The following TBL1Y variants were observed in gnomAD, a reference collection of about 807,000 sequenced individuals.
TBL1Y encodes the protein transducin beta like 1 Y-linked, also known as F-box-like/WD repeat-containing protein TBL1Y.
TBL1Y carries 15 observed loss-of-function variants against 12.0 expected under a neutral mutation model. The ratio of observed to expected loss-of-function variants is 1.25; its 90% CI spans 0.83 to 1.92. TBL1Y has a LOEUF of 1.92. Among genes scored for constraint, TBL1Y ranks in the 40% most tolerant of loss-of-function variants. TBL1Y has a pLI of 0.00. For synonymous variants in TBL1Y, 53 were observed against 42.6 expected (o/e 1.24, Z -0.95); for missense variants, 148 against 116.7 (o/e 1.27, Z -1.24).
intron 7 of TBL1Y, among the ~76,000 whole-genome samples, chrY:7,062,083 G>T (rs1045813384): frequency 2.5e-4 from 8 of 32,372 alleles, no homozygotes; most frequent in African/African-American, 4.8e-4. Flanking sequence ...AGTAGAGGGG[G>T]AATTTGGAAT....
At chrY:7,064,189 G>C (rs374698874) in intron 8 of TBL1Y, 40 bp downstream of exon 8, 15 of 391,725 alleles carry the variant, frequency 3.8e-5, no homozygotes, top group African/African-American at 1.3e-4. Flanking sequence ...GGCCTCTCTG[G>C]GTTCATTGTT....
At chrY:6,922,561 T>A (rs940421615) in intron 2 of TBL1Y, among the ~76,000 whole-genome samples, 46 of 34,134 alleles carry the variant, frequency 1.3e-3, no homozygotes, top group African/African-American at 4.8e-3. Flanking sequence ...ATTCTCCAAG[T>A]CCCCACTAGA....
At chrY:7,023,017 A>T in intron 5 of TBL1Y, among the ~76,000 whole-genome samples, 1 of 28,288 alleles carries the variant, frequency 3.5e-5, no homozygotes, top group Non-Finnish European at 8.2e-5. Context: ...CCTAAGCTTC[A>T]GTTTAATTCA....
intron 12 of TBL1Y, among the ~76,000 whole-genome samples, chrY:7,072,872 A>G (rs918277667): frequency 2.9e-5 from 1 of 33,932 alleles, no homozygotes; most frequent in Admixed American, 2.6e-4. Context: ...GGCTAGCTGG[A>G]ATGGTGACCC....
intron 6 of TBL1Y, among the ~76,000 whole-genome samples, chrY:7,037,853 C>T: frequency 2.9e-5 from 1 of 34,187 alleles, no homozygotes; most frequent in South Asian, 6.5e-4. Flanking sequence ...GATTTAATGC[C>T]ACAAATTGGT....
intron 6 of TBL1Y, among the ~76,000 whole-genome samples, chrY:7,026,514 T>A (rs761796086): frequency 3.0e-5 from 1 of 33,578 alleles, no homozygotes; most frequent in South Asian, 6.8e-4. Context: ...AGCAACACCT[T>A]TGCACAAGGA....
At chrY:7,007,728 A>G in intron 4 of TBL1Y, among the ~76,000 whole-genome samples, 5 of 33,299 alleles carry the variant, frequency 1.5e-4, no homozygotes, top group Admixed American at 1.4e-3. Flanking sequence ...CTGGAATTAT[A>G]TGCGTGAGTC....
intron 6 of TBL1Y, among the ~76,000 whole-genome samples, chrY:7,029,818 G>GAGAGT (rs2124155482): frequency 3.0e-5 from 1 of 33,820 alleles, no homozygotes; most frequent in Admixed American, 2.7e-4. Flanking sequence ...GTGTGGCCCT[G>GAGAGT]AGAGTGTGAC....
At chrY:7,021,622 A>G (rs2012582793) in intron 5 of TBL1Y, 85 bp downstream of exon 5, 1 of 33,706 alleles carries the variant, frequency 3.0e-5, no homozygotes, top group Non-Finnish European at 7.3e-5. Context: ...CCAAAACGCA[A>G]TCCCTTCTCT....
intron 7 of TBL1Y, among the ~76,000 whole-genome samples, chrY:7,063,368 C>A (rs2012905371): frequency 3.0e-5 from 1 of 33,718 alleles, no homozygotes; most frequent in Non-Finnish European, 7.3e-5. Context: ...CGTGACCCCT[C>A]CTGCTGTGTC....
intron 4 of TBL1Y, among the ~76,000 whole-genome samples, chrY:7,016,659 C>A (rs753210324): frequency 3.0e-5 from 1 of 33,023 alleles, no homozygotes; most frequent in African/African-American, 1.2e-4. Context: ...AGCAGTACTC[C>A]GGTATGCAGT....
intron 13 of TBL1Y, among the ~76,000 whole-genome samples, chrY:7,078,235 T>C (rs1018012472): frequency 1.2e-4 from 4 of 34,127 alleles, no homozygotes; most frequent in Non-Finnish European, 2.9e-4. Flanking sequence ...TTGAGGACAT[T>C]GTGGCCAGAG....
chrY:7,025,243 G>T, intron 6 of TBL1Y, 101 bp downstream of exon 6: 1 of 237,724 alleles, frequency 4.2e-6, no homozygotes, highest in Non-Finnish European at 6.9e-6. Context: ...AAGAAGAACA[G>T]CTAAGAAAGT....
At chrY:6,985,284 T>A in intron 3 of TBL1Y, among the ~76,000 whole-genome samples, 2 of 33,825 alleles carry the variant, frequency 5.9e-5, no homozygotes, top group African/African-American at 2.3e-4. Context: ...GGCTGGCTGC[T>A]CCTCCTCCTC....
chrY:7,040,341 A>G (rs765140519), intron 6 of TBL1Y, among the ~76,000 whole-genome samples: 2 of 34,651 alleles, frequency 5.8e-5, no homozygotes, highest in Admixed American at 2.6e-4. Context: ...CCTTGTTCCA[A>G]TAAGCTTTAG....
chrY:6,918,098 A>G (rs770764005), intron 2 of TBL1Y, among the ~76,000 whole-genome samples: 1 of 33,205 alleles, frequency 3.0e-5, no homozygotes, highest in East Asian at 8.2e-4. Context: ...GCTGTGTGGC[A>G]TGTTTCATCC....
chrY:6,922,938 G>A, intron 2 of TBL1Y, among the ~76,000 whole-genome samples: 1 of 34,245 alleles, frequency 2.9e-5, no homozygotes, highest in African/African-American at 1.1e-4. Flanking sequence ...CCCGGCTCCC[G>A]CCCACGCTTT....
At chrY:7,045,313 C>G (rs752195229) in intron 7 of TBL1Y, among the ~76,000 whole-genome samples, 2 of 33,824 alleles carry the variant, frequency 5.9e-5, no homozygotes, top group African/African-American at 2.3e-4. Context: ...AGTTTAAATA[C>G]TCTCTAGAGG....
At chrY:7,048,883 AT>A (rs759141452) in intron 7 of TBL1Y, among the ~76,000 whole-genome samples, 21 of 30,962 alleles carry the variant, frequency 6.8e-4, no homozygotes, top group Non-Finnish European at 1.0e-3. Flanking sequence ...AAGGCATTAC[AT>A]TTTTTTTTTT....
Sources: allele counts gnomAD v4.1 joint callset (sites outside exome capture counted in the v4.1 genomes callset), GRCh38; gene constraint gnomAD v4.1.1; transcripts MANE v1.5; gene names NCBI Gene and HGNC (gene_info 2026-07-23, HGNC 2026-07-21).